SLC35D4: variants seen among roughly 807,000 people sequenced by gnomAD.
SLC35D4 encodes the protein solute carrier family 35 member D4, also known as UDP-N-acetylglucosamine transporter SLC35D4.
chr18:23,348,146 A>AT, the SLC35D4 span, among the ~76,000 whole-genome samples: 1 of 152,214 alleles, frequency 6.6e-6, no homozygotes, highest in East Asian at 1.9e-4. Flanking sequence ...GTTTTTCTAG[A>AT]TTTTTTTCTA....
chr18:23,257,562 G>A, the SLC35D4 span: 6 of 553,130 alleles, frequency 1.1e-5, no homozygotes, highest in Middle Eastern at 4.6e-4. Flanking sequence ...ATGAGCTATG[G>A]ACTCCTCAAG....
chr18:23,271,005 A>G, the SLC35D4 span, among the ~76,000 whole-genome samples: 2 of 152,184 alleles, frequency 1.3e-5, no homozygotes, highest in Non-Finnish European at 2.9e-5. Context: ...GTGGAATAAT[A>G]TGGTTTGTCT....
At chr18:23,260,815 G>A in the SLC35D4 span, among the ~76,000 whole-genome samples, 1 of 152,084 alleles carries the variant, frequency 6.6e-6, no homozygotes, top group East Asian at 1.9e-4. Context: ...TAAACTGAGT[G>A]TAAATCTGGA....
the SLC35D4 span, among the ~76,000 whole-genome samples, chr18:23,244,331 TC>T: frequency 1.4e-4 from 22 of 152,364 alleles, no homozygotes; most frequent in East Asian, 7.7e-4. Flanking sequence ...GAGCTTTTCT[TC>T]CTGTGTTCCT....
the SLC35D4 span, among the ~76,000 whole-genome samples, chr18:23,291,185 TG>T: frequency 6.6e-6 from 1 of 152,196 alleles, no homozygotes; most frequent in Non-Finnish European, 1.5e-5. Flanking sequence ...AGACAGCGTC[TG>T]GGCTGAGGTC....
the SLC35D4 span, among the ~76,000 whole-genome samples, chr18:23,273,832 G>A: frequency 3.9e-4 from 60 of 152,202 alleles, no homozygotes; most frequent in Non-Finnish European, 1.8e-4. Context: ...TCTGTTTACT[G>A]TGTGCCGGTA....
the SLC35D4 span, among the ~76,000 whole-genome samples, chr18:23,246,717 A>G: frequency 1.1e-4 from 16 of 151,810 alleles, no homozygotes; most frequent in East Asian, 3.1e-3. Context: ...TTTTTGAGAC[A>G]GTCTCACTCT....
chr18:23,305,966 G>T, the SLC35D4 span, among the ~76,000 whole-genome samples: 1 of 152,208 alleles, frequency 6.6e-6, no homozygotes, highest in Non-Finnish European at 1.5e-5. Context: ...AAGATGCACG[G>T]TTACCTTTTA....
At chr18:23,258,815 G>A in the SLC35D4 span, 4 of 152,160 alleles carry the variant, frequency 2.6e-5, no homozygotes, top group Admixed American at 1.3e-4. Context: ...TGCAGCTTTC[G>A]TTAGCAGAGC....
chr18:23,344,485 T>C, the SLC35D4 span, among the ~76,000 whole-genome samples: 1 of 152,212 alleles, frequency 6.6e-6, no homozygotes, highest in African/African-American at 2.4e-5. Flanking sequence ...CTCATTGAGG[T>C]GTAAGAATTC....
At chr18:23,327,218 T>C in the SLC35D4 span, among the ~76,000 whole-genome samples, 1 of 151,644 alleles carries the variant, frequency 6.6e-6, no homozygotes, top group Non-Finnish European at 1.5e-5. Context: ...CTGAAGGAGA[T>C]AGAGACACAA....
the SLC35D4 span, among the ~76,000 whole-genome samples, chr18:23,350,834 G>A: frequency 6.6e-6 from 1 of 152,230 alleles, no homozygotes; most frequent in East Asian, 1.9e-4. Context: ...ACACTGGGGA[G>A]GAGGGAATGG....
the SLC35D4 span, among the ~76,000 whole-genome samples, chr18:23,326,185 C>T: frequency 6.6e-6 from 1 of 152,188 alleles, no homozygotes; most frequent in African/African-American, 2.4e-5. Flanking sequence ...ATAGCAGGAT[C>T]AAATTCACAC....
chr18:23,278,352 T>C, the SLC35D4 span, among the ~76,000 whole-genome samples: 2 of 152,156 alleles, frequency 1.3e-5, no homozygotes, highest in Non-Finnish European at 2.9e-5. Context: ...GAGAATACAA[T>C]GGGAGCTTAA....
chr18:23,277,435 A>G, the SLC35D4 span, among the ~76,000 whole-genome samples: 2 of 152,204 alleles, frequency 1.3e-5, no homozygotes, highest in Non-Finnish European at 2.9e-5. Flanking sequence ...TGTAAGTCCA[A>G]TTAAACCTCT....
At chr18:23,429,566 G>A in the SLC35D4 span, among the ~76,000 whole-genome samples, 3 of 152,104 alleles carry the variant, frequency 2.0e-5, no homozygotes, top group Non-Finnish European at 2.9e-5. Flanking sequence ...AGTAGACATG[G>A]GGTTTCGCCA....
chr18:23,314,058 C>T, the SLC35D4 span, among the ~76,000 whole-genome samples: 1 of 152,234 alleles, frequency 6.6e-6, no homozygotes, highest in Admixed American at 6.5e-5. Flanking sequence ...TGTGTCCGAT[C>T]TTCCAGGTTT....
chr18:23,244,395 C>T, the SLC35D4 span, among the ~76,000 whole-genome samples: 8 of 152,186 alleles, frequency 5.3e-5, no homozygotes, highest in Non-Finnish European at 8.8e-5. Flanking sequence ...ATCCAGGATT[C>T]GGTATTTTGA....
the SLC35D4 span, among the ~76,000 whole-genome samples, chr18:23,298,739 G>A: frequency 1.2e-4 from 18 of 152,154 alleles, no homozygotes; most frequent in African/African-American, 3.9e-4. Flanking sequence ...TCTGAATCCC[G>A]TTAGTCTTCT....
Sources: gnomAD v4.1 joint callset for allele counts (sites outside exome capture counted in the v4.1 genomes callset) on GRCh38, gnomAD v4.1.1 for gene constraint, MANE v1.5 for transcripts, NCBI Gene and HGNC (gene_info 2026-07-23, HGNC 2026-07-21) for gene names.